The following TRRAP variants were observed in gnomAD, a reference collection of about 807,000 sequenced individuals.
TRRAP encodes the protein transformation/transcription domain-associated protein.
In TRRAP, 41 loss-of-function variants were observed where a neutral mutation model predicts 438.8. That is an observed-to-expected ratio of 0.09 (90% CI 0.07 to 0.12). TRRAP has a LOEUF of 0.12. TRRAP is among the 10% of genes least tolerant of loss of function. The pLI is 1.00. For synonymous variants in TRRAP, 1,994 were observed against 1,962.9 expected (o/e 1.02, Z -0.42); for missense variants, 3,122 against 5,055.1 (o/e 0.62, Z 11.60).
intron 62 of TRRAP, among the ~76,000 whole-genome samples, chr7:98,986,587 T>C (rs1195392654): frequency 3.3e-5 from 5 of 152,242 alleles, no homozygotes; most frequent in African/African-American, 7.2e-5. Flanking sequence ...TAATTCTTTA[T>C]AGGTCTGGAT....
In TRRAP at chr7:99,003,782, G is replaced by A. The variant is rs112024199; in HGVS notation, c.10310-408G>A. ...ACACCATGTATAAAACGTGTAATTC[G>A]GCTGGGCATAGTGGTTCACGCCTGT... On this transcript the variant is annotated intron_variant, in intron 67 of 72. Transcript: ENST00000456197. Among the ~76,000 whole-genome samples the A allele has an allele frequency of 9.4e-3, 1,436 of 152,304 alleles. 10 individuals carry two copies. Among genetic ancestry groups the A allele is most frequent in the Non-Finnish European group, 0.015 (1,039 of 68,018 alleles).
chr7:98,956,698 A>G lies in TRRAP; in HGVS notation c.6231+165A>G, dbSNP rs552368920. Among the ~76,000 whole-genome samples the G allele has an allele frequency of 1.3e-5, 2 of 152,284 alleles. No individual in the cohort carries two copies. Among genetic ancestry groups the G allele is most frequent in the East Asian group, 3.9e-4 (2 of 5,182 alleles). Reference sequence around the variant, plus strand: ...AACTCCAGGACATGTCACTCATGCAAGGGGTTCCCAGGTCACCAGACATGC... The same window carrying G: ...AACTCCAGGACATGTCACTCATGCAGGGGGTTCCCAGGTCACCAGACATGC... On this transcript the variant is annotated intron_variant, in intron 43 of 72. Coordinates refer to ENST00000456197, the MANE Select transcript of TRRAP (RefSeq NM_001375524.1). The surrounding 1 kb of genome is among the most constrained non-coding windows in gnomAD (Gnocchi z 4.5).
intron 41 of TRRAP, among the ~76,000 whole-genome samples, chr7:98,955,561 C>T (rs1791563345): frequency 6.6e-6 from 1 of 152,116 alleles, no homozygotes; most frequent in Admixed American, 6.5e-5. Context: ...CCCAGTTAAC[C>T]CTTGTATGCT....
intron 40 of TRRAP, 25 bp downstream of exon 40, chr7:98,953,458 G>T: frequency 6.3e-7 from 1 of 1,599,838 alleles, no homozygotes; most frequent in Non-Finnish European, 8.5e-7. Flanking sequence ...CCTCCTGTCC[G>T]CCGACATCAG....
At chr7:98,881,365 G>C in intron 2 of TRRAP, 115 bp downstream of exon 2, 1 of 931,182 alleles carries the variant, frequency 1.1e-6, no homozygotes, top group Non-Finnish European at 1.5e-6. Context: ...CTGATGTCAG[G>C]AGTTTGGGAC....
chr7:99,008,344 C>G, intron 69 of TRRAP, 33 bp from the exon 70 acceptor site: 1 of 1,606,104 alleles, frequency 6.2e-7, no homozygotes, highest in Non-Finnish European at 8.5e-7. Flanking sequence ...CGGTCACCCT[C>G]AGCCTGCCCC....
chr7:98,891,238 G>T lies in TRRAP; in HGVS notation c.261+793G>T, dbSNP rs547846996. Among the ~76,000 whole-genome samples, 19 of 132,966 alleles carry T rather than the reference G, an allele frequency of 1.4e-4. No homozygotes were observed. In the East Asian group the frequency reaches 4.1e-3, roughly 28 times the overall value. 87.2% of individuals were successfully genotyped at this position (132,966 alleles called of 152,430 possible). A position where few individuals can be genotyped will look rare whatever the true frequency, so the allele number is the denominator to read the frequency against. ...TTTTTTTTTTTTTTTGGGAGACGGA[G>T]TCTCGCTCTGTCACCCAGGCTGGAG... On this transcript the variant is annotated intron_variant, in intron 4 of 72. Transcript: ENST00000456197.
In TRRAP at chr7:98,992,184, G is replaced by T; in HGVS notation, c.9804G>T (p.Leu3268=). 1 of 1,614,222 alleles carries T rather than the reference G, an allele frequency of 6.2e-7. No individual in the cohort carries two copies. Among genetic ancestry groups the T allele is most frequent in the Non-Finnish European group, 8.5e-7 (1 of 1,180,044 alleles). The change falls in exon 65 of 73, where the codon CTG becomes CTT. Residue 3268 remains leucine, a synonymous_variant. Coordinates refer to ENST00000456197, the MANE Select transcript of TRRAP (RefSeq NM_001375524.1). ...CGGTCTACTTTCCCATCCGGACCCT[G>T]TACCTGACCCTGAAAATAGAACAGC... ...PQAVYFPIRT[L]YLTLKIEQRE...
At chr7:98,946,170 A>G (rs538416174) in intron 33 of TRRAP, among the ~76,000 whole-genome samples, 9 of 152,300 alleles carry the variant, frequency 5.9e-5, no homozygotes, top group African/African-American at 2.2e-4. Flanking sequence ...CAAGACTCTT[A>G]AGTTCGTGTG....
At chr7:98,945,837 C>G in intron 32 of TRRAP, 37 bp downstream of exon 32, 2 of 1,587,480 alleles carry the variant, frequency 1.3e-6, no homozygotes, top group Non-Finnish European at 8.5e-7. Flanking sequence ...TTCTGACTTG[C>G]AATGTGAAGA....
At chr7:99,006,355 CAAAAT>C (rs1794164322) in intron 69 of TRRAP, among the ~76,000 whole-genome samples, 1 of 152,132 alleles carries the variant, frequency 6.6e-6, no homozygotes, top group Admixed American at 6.5e-5. Flanking sequence ...TTTTATATCT[CAAAAT>C]AAGATTTTTT....
In TRRAP at chr7:98,903,531, G is replaced by A. The variant is rs1796568005; in HGVS notation, c.1036+14G>A. 6.2e-7 allele frequency: 1 copy of A among 1,613,834 alleles called. No homozygotes were observed. Among genetic ancestry groups the A allele is most frequent in the Non-Finnish European group, 8.5e-7 (1 of 1,179,902 alleles). On this transcript the variant is annotated intron_variant, in intron 12 of 72. Transcript: ENST00000456197. ...AGCTGAGAAACCGTACGTCCAGCCTGTCTTGTCTTGAATGCTGATGCTAGT... is the reference window on the plus strand; with the variant it reads ...AGCTGAGAAACCGTACGTCCAGCCTATCTTGTCTTGAATGCTGATGCTAGT...
intron 45 of TRRAP, among the ~76,000 whole-genome samples, chr7:98,960,444 C>A (rs190321417): frequency 6.6e-6 from 1 of 152,136 alleles, no homozygotes. Flanking sequence ...TTCTATTTGA[C>A]CTCTGCTATG....
chr7:98,900,728 C>G lies in TRRAP; in HGVS notation c.897+8C>G. 1 of 1,607,578 alleles carries G rather than the reference C, an allele frequency of 6.2e-7. No individual in the cohort carries two copies. The highest frequency in any genetic ancestry group is 8.5e-7 in the Non-Finnish European group (1 of 1,177,538). ...ATTATCAGGATTTACCAGGTAAGGT[C>G]ATTGACTTTTATGTCAGGTTTATTG... On this transcript the variant is annotated splice_region_variant and intron_variant, in intron 11 of 72. Coordinates refer to ENST00000456197, the MANE Select transcript of TRRAP (RefSeq NM_001375524.1).
rs1470075939 is a variant in TRRAP, at chr7:99,004,549, C to T, written c.10535+134C>T. 4 of 802,202 alleles carry T rather than the reference C, an allele frequency of 5.0e-6. No homozygotes were observed. In the Admixed American group the frequency reaches 1.2e-4, roughly 23 times the overall value. The allele number at this position is 802,202 out of a possible 1,614,324, so 49.7% of individuals were successfully genotyped here. On this transcript the variant is annotated intron_variant, in intron 68 of 72. Coordinates refer to ENST00000456197, the MANE Select transcript of TRRAP (RefSeq NM_001375524.1). ...TGACATGGGAGAACATAAGATGATT[C>T]TGGAATGTAAGTGGTCAGGCACTTT...
chr7:98,971,658 G>A, intron 52 of TRRAP, 141 bp from the exon 53 acceptor site: 1 of 1,015,864 alleles, frequency 9.8e-7, no homozygotes, highest in South Asian at 1.7e-5. Context: ...TAGGATTGAA[G>A]ATTATTTAAA....
intron 30 of TRRAP, among the ~76,000 whole-genome samples, chr7:98,938,494 T>C (rs973580743): frequency 2.0e-5 from 3 of 152,184 alleles, no homozygotes; most frequent in Non-Finnish European, 4.4e-5. Context: ...TGTATCCTTT[T>C]AGAGATGTTT....
chr7:99,007,365 T>A (rs531456199), intron 69 of TRRAP, among the ~76,000 whole-genome samples: 1 of 152,376 alleles, frequency 6.6e-6, no homozygotes, highest in South Asian at 2.1e-4. Flanking sequence ...TTTTAGTTTT[T>A]TGAGACGGAG....
At chr7:98,970,927 G>A (rs1190305871) in intron 52 of TRRAP, among the ~76,000 whole-genome samples, 3 of 152,028 alleles carry the variant, frequency 2.0e-5, no homozygotes, top group East Asian at 3.9e-4. Context: ...GTGGCTTTCT[G>A]TCCTCCATGA....
Sources: gnomAD v4.1 joint callset for allele counts (sites outside exome capture counted in the v4.1 genomes callset) on GRCh38, gnomAD v4.1.1 for gene constraint, Gnocchi (gnomAD v3.1) non-coding constraint, MANE v1.5 for transcripts, NCBI Gene and HGNC (gene_info 2026-07-23, HGNC 2026-07-21) for gene names.